CASD1: variants seen among roughly 807,000 people sequenced by gnomAD.
The protein encoded by CASD1 is CAS1 domain sialic acid O acetyltransferase 1.
CASD1 carries 41 observed loss-of-function variants against 100.0 expected under a neutral mutation model. That is an observed-to-expected ratio of 0.41 (90% CI 0.32 to 0.53). CASD1 has a LOEUF of 0.53. Among genes scored for constraint, CASD1 ranks in the 20% least tolerant of loss-of-function variants. The probability of loss-of-function intolerance (pLI) is 0.25; values close to 1 mark genes in which losing one functional copy is unlikely to be tolerated. For synonymous variants in CASD1, 321 were observed against 315.6 expected (o/e 1.02, Z -0.18); for missense variants, 774 against 948.7 (o/e 0.82, Z 2.42).
chr7:94,588,585 C>T, the CASD1 span: 10 of 1,550,486 alleles, frequency 6.4e-6, no homozygotes, highest in Admixed American at 1.8e-5. Context: ...AGTGTTTTGC[C>T]TTATTTGGTG....
At chr7:94,540,657 C>G (rs17269535) in intron 10 of CASD1, among the ~76,000 whole-genome samples, 1 of 152,040 alleles carries the variant, frequency 6.6e-6, no homozygotes, top group Admixed American at 6.6e-5. Context: ...TGTAAATGAT[C>G]CAAGGCAAGG....
At chr7:94,514,335 A>G (rs1793869146) in intron 1 of CASD1, among the ~76,000 whole-genome samples, 1 of 152,126 alleles carries the variant, frequency 6.6e-6, no homozygotes. Flanking sequence ...ATAAATCTTA[A>G]TGGTGATTTT....
At chr7:94,555,469 G>A (rs887278979) in intron 17 of CASD1, 23 bp from the exon 18 acceptor site, 10 of 1,604,512 alleles carry the variant, frequency 6.2e-6, no homozygotes, top group Non-Finnish European at 7.7e-6. Context: ...ATAAATATCT[G>A]ACTTAAATAT....
intron 17 of CASD1, 28 bp downstream of exon 17, chr7:94,554,603 T>G: frequency 7.0e-7 from 1 of 1,418,870 alleles, no homozygotes; most frequent in Non-Finnish European, 1.0e-6. Context: ...TTGCTTATCT[T>G]ACACAGCCAG....
the CASD1 span, chr7:94,620,958 A>G: frequency 2.6e-5 from 4 of 152,264 alleles, no homozygotes; most frequent in Admixed American, 2.6e-4. Flanking sequence ...AGAGAACAGT[A>G]GGCCAACAGA....
chr7:94,510,115 C>A lies in CASD1; in HGVS notation c.31C>A (p.Arg11=), dbSNP rs147320461. The change falls in exon 1 of 18, where the codon CGG becomes AGG. Residue 11 remains arginine (R), a synonymous_variant. Coordinates refer to ENST00000297273, the MANE Select transcript of CASD1 (RefSeq NM_022900.5). MAALAYNLGK[R]EINHYFSVRS... is the part of the protein sequence containing the mutation. ...GGCTCTGGCCTACAACCTGGGCAAG[C>A]GGGAGATCAACCACTACTTCAGCGT... 2 of 1,529,812 alleles carry A rather than the reference C, an allele frequency of 1.3e-6. No individual in the cohort carries two copies. Among genetic ancestry groups the A allele is most frequent in the African/African-American group, 1.4e-5 (1 of 71,038 alleles). The allele number at this position is 1,529,812 out of a possible 1,614,324, so 94.8% of individuals were successfully genotyped here.
chr7:94,549,622 G>A lies in CASD1; in HGVS notation c.1803G>A (p.Arg601=), dbSNP rs1795848744. ...GNVYEWWFRW[R]LDRYVVFHGM... ...TATATGAATGGTGGTTCAGATGGAG[G>A]TTAGACCGTTATGTATGTATTTACT... Residue 601 remains arginine, a synonymous_variant, in exon 14 of 18, where the codon AGG becomes AGA. Coordinates refer to ENST00000297273, the MANE Select transcript of CASD1 (RefSeq NM_022900.5). 2 of 1,602,720 alleles carry A rather than the reference G, an allele frequency of 1.2e-6. No homozygotes were observed. The highest frequency in any genetic ancestry group is 1.7e-6 in the Non-Finnish European group (2 of 1,172,712).
the CASD1 span, among the ~76,000 whole-genome samples, chr7:94,567,291 A>G: frequency 3.9e-5 from 6 of 151,986 alleles, no homozygotes; most frequent in Non-Finnish European, 5.9e-5. Context: ...TCTCTTTTCT[A>G]ACATGTTGAA....
the CASD1 span, among the ~76,000 whole-genome samples, chr7:94,572,585 CTCTTGTAAATTTG>C: frequency 6.6e-6 from 1 of 151,848 alleles, no homozygotes. Context: ...GTTTGTTTTT[CTCTTGTAAATTTG>C]TTTAAGTTCC....
In CASD1 at chr7:94,537,769, TTCTATA is replaced by T; in HGVS notation, c.1143_1148del (p.Phe381_Met383delinsLeu). On this transcript the variant is annotated inframe_deletion, in exon 9 of 18. Transcript: ENST00000297273. The stretch of plus-strand genomic sequence containing the variant: ...CAAACTTGGCCTGATTATGGCATAT[TTCTATA>T]TGTGTGACCGTGCAAATCTGTTCAT... 6.2e-7 allele frequency: 1 copy of T among 1,613,716 alleles called. No homozygotes were observed. Among genetic ancestry groups the T allele is most frequent in the Non-Finnish European group, 8.5e-7 (1 of 1,179,788 alleles).
chr7:94,604,504 G>GT, the CASD1 span, among the ~76,000 whole-genome samples: 1 of 151,832 alleles, frequency 6.6e-6, no homozygotes, highest in Middle Eastern at 3.4e-3. Flanking sequence ...CAGAGCTACA[G>GT]TAAGCAAGTC....
At chr7:94,588,130 C>A in the CASD1 span, 1 of 1,147,410 alleles carries the variant, frequency 8.7e-7, no homozygotes, top group Non-Finnish European at 1.1e-6. Context: ...TTTTTAGGGA[C>A]ACTTGAAAGA....
chr7:94,623,842 TAAAC>T, the CASD1 span: 1 of 360,778 alleles, frequency 2.8e-6, no homozygotes, highest in Non-Finnish European at 4.9e-6. Context: ...CATTTAGTAC[TAAAC>T]TGCACCCCAA....
At chr7:94,625,340 T>C in the CASD1 span, 1 of 152,062 alleles carries the variant, frequency 6.6e-6, no homozygotes, top group Non-Finnish European at 1.5e-5. Context: ...CTATATTATA[T>C]GAAAGATATG....
chr7:94,586,061 G>GAAAAAAAAAAAAAAA, the CASD1 span, among the ~76,000 whole-genome samples: 4 of 28,908 alleles, frequency 1.4e-4, no homozygotes, highest in East Asian at 1.3e-3. Context: ...GGAACTAAAT[G>GAAAAAAAAAAAAAAA]AAAAAAAAAA....
the CASD1 span, chr7:94,626,804 G>A: frequency 6.6e-6 from 1 of 151,926 alleles, no homozygotes; most frequent in Non-Finnish European, 1.5e-5. Context: ...TTACTATGAA[G>A]AATGATGTTT....
At chr7:94,561,830 G>A (rs1445113845), downstream of CASD1, among the ~76,000 whole-genome samples, 1 of 152,076 alleles carries the variant, frequency 6.6e-6, no homozygotes, top group East Asian at 1.9e-4. Context: ...TATTTATAAA[G>A]GAATGTTAGG....
chr7:94,602,969 CTT>C, the CASD1 span, among the ~76,000 whole-genome samples: 1 of 152,146 alleles, frequency 6.6e-6, no homozygotes, highest in Non-Finnish European at 1.5e-5. Flanking sequence ...TAAGAAGAAT[CTT>C]TCTGCACATA....
rs569188387 is a variant in CASD1, at chr7:94,528,328, C to T, written c.459+78C>T. On this transcript the variant is annotated intron_variant, in intron 5 of 17. Transcript: ENST00000297273. ...CACAAGCATATTTTTATTCCCTTTA[C>T]TCACTTGTCCCACTCTCCTATATTT... The T allele has an allele frequency of 2.4e-4, 244 of 1,011,692 alleles. 2 individuals carry two copies. The highest frequency in any genetic ancestry group is 1.8e-3 in the African/African-American group (111 of 60,712). The allele number at this position is 1,011,692 out of a possible 1,614,324, so 62.7% of individuals were successfully genotyped here.
Sources: allele counts gnomAD v4.1 joint callset (sites outside exome capture counted in the v4.1 genomes callset), GRCh38; gene constraint gnomAD v4.1.1; transcripts MANE v1.5; gene names NCBI Gene and HGNC (gene_info 2026-07-23, HGNC 2026-07-21).